PDGFC: variants seen among roughly 807,000 people sequenced by gnomAD.
PDGFC encodes the protein platelet-derived growth factor C.
Under a neutral mutation model 35.5 loss-of-function variants are expected in PDGFC, and 12 were observed. The ratio of observed to expected loss-of-function variants is 0.34; its 90% CI spans 0.22 to 0.55. PDGFC has a LOEUF of 0.55. Ranked by LOEUF, PDGFC falls within the 20% of genes least tolerant of loss-of-function variation. The pLI is 0.91. For synonymous variants in PDGFC, 159 were observed against 148.8 expected, an observed-to-expected ratio of 1.07 and a Z score of -0.50; for missense variants, 322 against 412.4, an observed-to-expected ratio of 0.78 and a Z score of 1.90.
intron 1 of PDGFC, among the ~76,000 whole-genome samples, chr4:156,941,875 A>C (rs942331360): frequency 6.6e-6 from 1 of 152,162 alleles, no homozygotes; most frequent in Non-Finnish European, 1.5e-5. Flanking sequence ...CTGTTAATAA[A>C]GTAAAAATTG....
chr4:156,951,238 C>T lies in PDGFC; in HGVS notation c.118+19548G>A, dbSNP rs940434130. 3.3e-5 allele frequency among the ~76,000 whole-genome samples: 5 copies of T among 151,810 alleles called. No homozygotes were observed. In the East Asian group the frequency reaches 5.8e-4, roughly 18 times the overall value. ...ACATTCCAGTGACTTAATAAAACAA[C>T]GCTCGTGATCACAACAGTGTTTAAA... On this transcript the variant is annotated intron_variant, in intron 1 of 5. Coordinates refer to ENST00000502773, the MANE Select transcript of PDGFC (RefSeq NM_016205.3).
intron 1 of PDGFC, among the ~76,000 whole-genome samples, chr4:156,862,727 T>C (rs1225925184): frequency 4.4e-5 from 4 of 91,396 alleles, no homozygotes; most frequent in South Asian, 1.9e-3. Context: ...CTCTCTCTCT[T>C]TTTTTTTTTT....
intron 1 of PDGFC, among the ~76,000 whole-genome samples, chr4:156,922,747 G>T (rs542420543): frequency 6.6e-6 from 1 of 152,256 alleles, no homozygotes; most frequent in Admixed American, 6.5e-5. Flanking sequence ...TTGGGGGTCG[G>T]GGGGTGTTCC....
chr4:156,866,877 G>A (rs1729856731), intron 1 of PDGFC, among the ~76,000 whole-genome samples: 1 of 152,036 alleles, frequency 6.6e-6, no homozygotes, highest in African/African-American at 2.4e-5. Context: ...ATGGTAAAAT[G>A]GTATACAGTG....
At chr4:156,895,535 G>T (rs1364077330) in intron 1 of PDGFC, among the ~76,000 whole-genome samples, 1 of 151,894 alleles carries the variant, frequency 6.6e-6, no homozygotes, top group African/African-American at 2.4e-5. Flanking sequence ...AGGAGGCTGA[G>T]GCAGGAGAAT....
At chr4:156,837,895 C>A in intron 2 of PDGFC, among the ~76,000 whole-genome samples, 1 of 152,126 alleles carries the variant, frequency 6.6e-6, no homozygotes, top group East Asian at 1.9e-4. Context: ...ACCAAAACAT[C>A]TCATTAGCCA....
At chr4:156,948,378 G>A (rs1431670588) in intron 1 of PDGFC, among the ~76,000 whole-genome samples, 2 of 151,842 alleles carry the variant, frequency 1.3e-5, no homozygotes, top group Admixed American at 6.6e-5. Context: ...CTCCTGCACC[G>A]ACTGCTGCGG....
At chr4:156,854,590 A>C (rs2111094937) in intron 1 of PDGFC, among the ~76,000 whole-genome samples, 1 of 147,768 alleles carries the variant, frequency 6.8e-6, no homozygotes, top group Non-Finnish European at 1.5e-5. Flanking sequence ...TTTTATGTAA[A>C]TCTCAAGCAA....
intron 1 of PDGFC, among the ~76,000 whole-genome samples, chr4:156,928,280 T>C (rs999598768): frequency 1.1e-4 from 16 of 152,110 alleles, no homozygotes; most frequent in African/African-American, 2.4e-4. Flanking sequence ...TTTTAAGAGA[T>C]GGGTCTTGCT....
chr4:156,956,894 G>A (rs1163978521), intron 1 of PDGFC, among the ~76,000 whole-genome samples: 1 of 151,954 alleles, frequency 6.6e-6, no homozygotes, highest in Non-Finnish European at 1.5e-5. Flanking sequence ...AAATATACAC[G>A]TTAATTGGAT....
intron 1 of PDGFC, among the ~76,000 whole-genome samples, chr4:156,948,029 T>C (rs1249317362): frequency 2.0e-5 from 3 of 151,814 alleles, no homozygotes; most frequent in Admixed American, 6.6e-5. Flanking sequence ...TGGTGTGCCA[T>C]AGAATGCAGC....
chr4:156,940,384 A>G (rs539846276), intron 1 of PDGFC, among the ~76,000 whole-genome samples: 2 of 152,282 alleles, frequency 1.3e-5, no homozygotes, highest in East Asian at 3.9e-4. Context: ...AACACTCTGG[A>G]CAATTGATTT....
chr4:156,906,631 G>A (rs1730921422), intron 1 of PDGFC, among the ~76,000 whole-genome samples: 1 of 152,108 alleles, frequency 6.6e-6, no homozygotes, highest in East Asian at 1.9e-4. Context: ...TAAAAATCTT[G>A]AGCACGGACA....
intron 1 of PDGFC, among the ~76,000 whole-genome samples, chr4:156,953,656 T>C (rs146127836): frequency 1.1e-4 from 16 of 152,110 alleles, no homozygotes; most frequent in African/African-American, 3.6e-4. Flanking sequence ...TCAAAGTTTC[T>C]ATAAAAAGAC....
chr4:156,962,191 C>A (rs1361675987), intron 1 of PDGFC, among the ~76,000 whole-genome samples: 1 of 152,140 alleles, frequency 6.6e-6, no homozygotes, highest in Non-Finnish European at 1.5e-5. Flanking sequence ...CATCTTTCCA[C>A]TTTTTCTAGC....
At chr4:156,922,998 C>T (rs1416993675) in intron 1 of PDGFC, among the ~76,000 whole-genome samples, 1 of 152,098 alleles carries the variant, frequency 6.6e-6, no homozygotes, top group African/African-American at 2.4e-5. Flanking sequence ...GATTTTTATG[C>T]TTGCCCACGT....
At chr4:156,886,092 A>G (rs546977426) in intron 1 of PDGFC, among the ~76,000 whole-genome samples, 1 of 152,336 alleles carries the variant, frequency 6.6e-6, no homozygotes, top group South Asian at 2.1e-4. Context: ...AAGTCAAAAT[A>G]TAAAAGGCTT....
At chr4:156,931,886 T>C (rs1466641391) in intron 1 of PDGFC, among the ~76,000 whole-genome samples, 3 of 152,206 alleles carry the variant, frequency 2.0e-5, no homozygotes, top group African/African-American at 7.2e-5. Flanking sequence ...TTTTTTATTT[T>C]AAAGACTTCT....
At chr4:156,837,361 G>C (rs549267508) in intron 2 of PDGFC, among the ~76,000 whole-genome samples, 2 of 152,228 alleles carry the variant, frequency 1.3e-5, no homozygotes, top group East Asian at 1.9e-4. Context: ...CCTGGTGACA[G>C]AGTGAGACTC....
Sources: allele counts gnomAD v4.1 joint callset (sites outside exome capture counted in the v4.1 genomes callset), GRCh38; gene constraint gnomAD v4.1.1; transcripts MANE v1.5; gene names NCBI Gene and HGNC (gene_info 2026-07-23, HGNC 2026-07-21).